VKORC1L1: variants seen among roughly 807,000 people sequenced by gnomAD.
VKORC1L1 encodes vitamin K epoxide reductase complex subunit 1L1.
A neutral mutation model predicts 18.9 loss-of-function variants in VKORC1L1; 2 were observed. The observed-to-expected ratio is 0.11, with a 90% confidence interval of 0.04 to 0.33. The LOEUF (loss-of-function observed/expected upper bound fraction) is 0.33. Ranked by LOEUF, VKORC1L1 falls within the 10% of genes least tolerant of loss-of-function variation. The probability of loss-of-function intolerance (pLI) is 1.00; values close to 1 mark genes in which losing one functional copy is unlikely to be tolerated. For missense variants in VKORC1L1, 123 were observed against 224.1 expected (o/e 0.55, Z 2.88); for synonymous variants, 96 against 100.0 (o/e 0.96, Z 0.24).
At chr7:65,874,915 T>C (rs556041817) in intron 1 of VKORC1L1, among the ~76,000 whole-genome samples, 2 of 152,246 alleles carry the variant, frequency 1.3e-5, no homozygotes, top group East Asian at 1.9e-4. Flanking sequence ...CTGCAAGAGC[T>C]GCATGTTTGT....
chr7:65,931,448 G>A (rs1224714961), intron 1 of VKORC1L1, among the ~76,000 whole-genome samples: 1 of 152,070 alleles, frequency 6.6e-6, no homozygotes, highest in East Asian at 1.9e-4. Flanking sequence ...TGATATTTGT[G>A]AATTTCAAAG....
intron 1 of VKORC1L1, among the ~76,000 whole-genome samples, chr7:65,935,685 G>C (rs1789931292): frequency 6.6e-6 from 1 of 152,064 alleles, no homozygotes; most frequent in African/African-American, 2.4e-5. Flanking sequence ...TTTTTCTCTG[G>C]ATGCTTTCAA....
chr7:65,938,818 C>T (rs1335707132), intron 1 of VKORC1L1, among the ~76,000 whole-genome samples: 2 of 152,154 alleles, frequency 1.3e-5, no homozygotes, highest in East Asian at 1.9e-4. Flanking sequence ...TTGAAACAGC[C>T]GAGTCCGGGG....
chr7:65,895,202 C>G (rs1162284399), intron 1 of VKORC1L1, among the ~76,000 whole-genome samples: 1 of 151,786 alleles, frequency 6.6e-6, no homozygotes, highest in Non-Finnish European at 1.5e-5. Flanking sequence ...ACCAACTTAC[C>G]TTACATAACT....
chr7:65,943,669 C>T (rs1395410528), intron 1 of VKORC1L1, among the ~76,000 whole-genome samples: 1 of 152,112 alleles, frequency 6.6e-6, no homozygotes, highest in Non-Finnish European at 1.5e-5. Flanking sequence ...GTGGCAGGCA[C>T]CTTTAATCCC....
At chr7:65,883,174 C>T (rs1296694715) in intron 1 of VKORC1L1, among the ~76,000 whole-genome samples, 1 of 135,064 alleles carries the variant, frequency 7.4e-6, no homozygotes, top group Non-Finnish European at 1.5e-5. Context: ...TGGAGTCTCA[C>T]TCTGTCACCC....
At chr7:65,899,549 ACT>A (rs1217479145) in intron 1 of VKORC1L1, among the ~76,000 whole-genome samples, 2 of 152,052 alleles carry the variant, frequency 1.3e-5, no homozygotes, top group African/African-American at 2.4e-5. Flanking sequence ...AATTGAAATG[ACT>A]CTGAAGCTTA....
intron 1 of VKORC1L1, among the ~76,000 whole-genome samples, chr7:65,920,752 T>C (rs1789662292): frequency 6.6e-6 from 1 of 151,756 alleles, no homozygotes; most frequent in African/African-American, 2.4e-5. Context: ...TCCCAGCTTC[T>C]TGGGAGGCTG....
At chr7:65,880,001 ACC>A (rs1326800658) in intron 1 of VKORC1L1, among the ~76,000 whole-genome samples, 7 of 151,728 alleles carry the variant, frequency 4.6e-5, no homozygotes, top group Admixed American at 6.6e-5. Flanking sequence ...ACAGTTGCAC[ACC>A]CCACCATGCC....
intron 1 of VKORC1L1, among the ~76,000 whole-genome samples, chr7:65,879,792 T>C (rs1189785741): frequency 6.6e-6 from 1 of 151,764 alleles, no homozygotes; most frequent in Non-Finnish European, 1.5e-5. Context: ...CTTCGTTCCT[T>C]GCTTCCTTCT....
In VKORC1L1 at chr7:65,933,248, A is replaced by T. The variant is rs148647312; in HGVS notation, c.195-15423A>T. On this transcript the variant is annotated intron_variant, in intron 1 of 2. Coordinates refer to ENST00000360768, the MANE Select transcript of VKORC1L1 (RefSeq NM_173517.6). ...AGAGAGATTGAAGTCTTTAAGTATA[A>T]TTGTGGATTTATTCTTTCTTTCAGT... Among the ~76,000 whole-genome samples, 486 of 152,096 alleles carry T rather than the reference A, an allele frequency of 3.2e-3. 3 individuals carry two copies. The highest frequency in any genetic ancestry group is 0.011 in the African/African-American group (436 of 41,492).
chr7:65,944,875 C>G (rs1366202342), intron 1 of VKORC1L1, among the ~76,000 whole-genome samples: 3 of 151,208 alleles, frequency 2.0e-5, no homozygotes, highest in Admixed American at 6.6e-5. Flanking sequence ...GCAGATTGCA[C>G]CACTGCACTC....
intron 1 of VKORC1L1, among the ~76,000 whole-genome samples, chr7:65,895,516 T>TACACAC (rs1554395162): frequency 0.078 from 5,445 of 69,740 alleles, 426 homozygotes; most frequent in Non-Finnish European, 0.11. Context: ...TATATATATA[T>TACACAC]ACACACACAC....
intron 1 of VKORC1L1, among the ~76,000 whole-genome samples, chr7:65,899,114 C>T (rs1789266322): frequency 1.3e-5 from 2 of 152,168 alleles, no homozygotes; most frequent in Admixed American, 1.3e-4. Flanking sequence ...TCATTTCAAC[C>T]AATATTAAAT....
rs894794872 is a variant in VKORC1L1, at chr7:65,902,531, A to G, written c.194+28966A>G. Among the ~76,000 whole-genome samples, 77 of 152,302 alleles carry G rather than the reference A, an allele frequency of 5.1e-4. 1 individual carries two copies. Among genetic ancestry groups the G allele is most frequent in the Non-Finnish European group, 4.3e-4 (29 of 68,022 alleles). ...TTGTTAGAGATAGAAATAGTCTAAC[A>G]TATGTGTAATTGGAGCCCCAGAAAA... On this transcript the variant is annotated intron_variant, in intron 1 of 2. Transcript: ENST00000360768.
At chr7:65,895,894 C>CTTTTTT (rs899804086) in intron 1 of VKORC1L1, among the ~76,000 whole-genome samples, 12 of 113,276 alleles carry the variant, frequency 1.1e-4, no homozygotes, top group African/African-American at 1.8e-4. Context: ...TATCTCACTT[C>CTTTTTT]TTTTTTTTTT....
In VKORC1L1 at chr7:65,873,312, C is replaced by T. The variant is rs1788760946; in HGVS notation, c.-60C>T. 7.9e-7 allele frequency: 1 copy of T among 1,267,510 alleles called. No homozygotes were observed. The highest frequency in any genetic ancestry group is 1.0e-6 in the Non-Finnish European group (1 of 991,608). 78.5% of individuals were successfully genotyped at this position (1,267,510 alleles called of 1,614,324 possible). A position where few individuals can be genotyped will look rare whatever the true frequency, so the allele number is the denominator to read the frequency against. The stretch of plus-strand genomic sequence containing the variant: ...CGGCGGTGGCGGCTGGGTCGGGCCC[C>T]GACGGGCGGCGGCGGCTGAGGTGGA... On this transcript the variant is annotated 5_prime_UTR_variant, in exon 1 of 3. An upstream open reading frame in the 5' UTR gains an earlier in-frame stop. Coordinates refer to ENST00000360768, the MANE Select transcript of VKORC1L1 (RefSeq NM_173517.6).
chr7:65,895,956 C>T (rs201392905), intron 1 of VKORC1L1, among the ~76,000 whole-genome samples: 3 of 134,404 alleles, frequency 2.2e-5, no homozygotes, highest in East Asian at 4.3e-4. Flanking sequence ...AGTGCAGTGG[C>T]GTGATCTCGG....
chr7:65,917,341 T>G (rs1455444519), intron 1 of VKORC1L1, among the ~76,000 whole-genome samples: 1 of 152,216 alleles, frequency 6.6e-6, no homozygotes, highest in African/African-American at 2.4e-5. Context: ...CATGTGGCTA[T>G]GAGGGTATAG....
Sources: gnomAD v4.1 joint callset for allele counts (sites outside exome capture counted in the v4.1 genomes callset) on GRCh38, gnomAD v4.1.1 for gene constraint, MANE v1.5 for transcripts, NCBI Gene and HGNC (gene_info 2026-07-23, HGNC 2026-07-21) for gene names.